OCA2: variants seen among roughly 807,000 people sequenced by gnomAD.
OCA2 encodes the protein P protein.
Under a neutral mutation model 100.2 loss-of-function variants are expected in OCA2, and 77 were observed. That is an observed-to-expected ratio of 0.77 (90% confidence interval 0.64 to 0.93). The LOEUF (loss-of-function observed/expected upper bound fraction) is 0.93. Ranked by LOEUF, OCA2 falls within the 40% of genes least tolerant of loss-of-function variation. The pLI, the probability that OCA2 is intolerant of heterozygous loss-of-function variation, is 0.00. For synonymous variants in OCA2, 432 were observed against 439.2 expected (o/e 0.98, Z 0.21); for missense variants, 1,062 against 1,089.1 (o/e 0.98, Z 0.35).
intron 23 of OCA2, among the ~76,000 whole-genome samples, chr15:27,834,403 A>T (rs1375288679): frequency 6.6e-6 from 1 of 152,122 alleles, no homozygotes; most frequent in African/African-American, 2.4e-5. Context: ...TTTCATTTGA[A>T]CCCTTTATAA....
intron 1 of OCA2, among the ~76,000 whole-genome samples, chr15:28,096,155 C>T (rs2044977195): frequency 6.8e-6 from 1 of 147,320 alleles, no homozygotes; most frequent in South Asian, 2.2e-4. Flanking sequence ...CGGGAGGTGG[C>T]TGGTCTCGGG....
chr15:27,938,268 A>T (rs113885890), intron 18 of OCA2, among the ~76,000 whole-genome samples: 79 of 152,280 alleles, frequency 5.2e-4, no homozygotes, highest in African/African-American at 1.9e-3. Flanking sequence ...GGAGGGGAAG[A>T]AGATACACAC....
intron 2 of OCA2, among the ~76,000 whole-genome samples, chr15:28,061,309 C>T (rs1381353966): frequency 6.6e-6 from 1 of 152,144 alleles, no homozygotes; most frequent in African/African-American, 2.4e-5. Context: ...TTTAAGAATA[C>T]CTCTGTCCAG....
intron 19 of OCA2, chr15:27,896,388 C>T: frequency 2.7e-6 from 2 of 739,736 alleles, no homozygotes; most frequent in African/African-American, 1.7e-5. Context: ...CAGTGTAACT[C>T]CAGACATGAT....
chr15:28,070,794 G>A (rs922855099), intron 2 of OCA2, among the ~76,000 whole-genome samples: 11 of 145,808 alleles, frequency 7.5e-5, no homozygotes, highest in Admixed American at 2.0e-4. Context: ...AGACATGGGA[G>A]ACTTTTCATT....
chr15:28,083,395 C>A lies in OCA2; in HGVS notation c.-21-1500G>T, dbSNP rs140322192. ...ATTGTTATTTCCCTGCTTTAACCAA[C>A]CACTTATGCTGAGAGTGATCACTCA... On this transcript the variant is annotated intron_variant, in intron 1 of 23. Transcript: ENST00000354638. Among the ~76,000 whole-genome samples, 496 of 152,352 alleles carry A rather than the reference C, an allele frequency of 3.3e-3. 3 individuals carry two copies. Among genetic ancestry groups the A allele is most frequent in the African/African-American group, 0.011 (478 of 41,582 alleles).
chr15:27,814,044 A>T (rs2034182605), intron 23 of OCA2, among the ~76,000 whole-genome samples: 1 of 152,184 alleles, frequency 6.6e-6, no homozygotes, highest in Non-Finnish European at 1.5e-5. Context: ...TATGCTAGGA[A>T]TATTCGAATT....
At chr15:28,025,205 G>A (rs192366287) in intron 4 of OCA2, among the ~76,000 whole-genome samples, 108 of 152,124 alleles carry the variant, frequency 7.1e-4, no homozygotes, top group African/African-American at 2.5e-3. Context: ...AAAGGCTCCT[G>A]TTTCCTGGAA....
intron 18 of OCA2, among the ~76,000 whole-genome samples, chr15:27,936,377 A>C (rs377141328): frequency 3.9e-5 from 6 of 152,304 alleles, no homozygotes; most frequent in East Asian, 3.9e-4. Context: ...ATGGCAGCAG[A>C]AGGAGGGAGC....
At chr15:27,937,947 A>G (rs371073951) in intron 18 of OCA2, among the ~76,000 whole-genome samples, 67 of 152,364 alleles carry the variant, frequency 4.4e-4, no homozygotes, top group African/African-American at 1.6e-3. Context: ...ATCTTTTACC[A>G]TTAGCACTTT....
chr15:28,082,432 T>C (rs1374224983), intron 1 of OCA2, among the ~76,000 whole-genome samples: 1 of 152,188 alleles, frequency 6.6e-6, no homozygotes, highest in African/African-American at 2.4e-5. Context: ...TGCAGCATCA[T>C]TCTTGAAGTC....
chr15:27,871,086 A>G, intron 21 of OCA2, 68 bp downstream of exon 21: 1 of 1,154,730 alleles, frequency 8.7e-7, no homozygotes, highest in Non-Finnish European at 1.3e-6. Flanking sequence ...TGCCTTAGGA[A>G]GGGAGGGTGA....
chr15:27,788,028 A>G (rs529162328), intron 23 of OCA2, among the ~76,000 whole-genome samples: 14 of 151,900 alleles, frequency 9.2e-5, no homozygotes, highest in Non-Finnish European at 1.6e-4. Flanking sequence ...ATATTTCTGT[A>G]TTTCCCCAAA....
At chr15:28,093,328 A>G (rs1363111577) in intron 1 of OCA2, among the ~76,000 whole-genome samples, 1 of 151,970 alleles carries the variant, frequency 6.6e-6, no homozygotes, top group Non-Finnish European at 1.5e-5. Flanking sequence ...AGACTGAGGC[A>G]GGAGAATCAC....
chr15:27,752,329 T>C (rs1271375556), downstream of OCA2, among the ~76,000 whole-genome samples: 1 of 152,228 alleles, frequency 6.6e-6, no homozygotes, highest in Non-Finnish European at 1.5e-5. Flanking sequence ...ACAGCTGGTT[T>C]CTTCGAGGTT....
At chr15:28,045,564 T>C (rs75687855) in intron 2 of OCA2, among the ~76,000 whole-genome samples, 1,639 of 152,308 alleles carry the variant, frequency 0.011, 10 homozygotes, top group Middle Eastern at 0.034. Context: ...TGCAGACCCA[T>C]TTTCCTCTGA....
In OCA2 at chr15:27,951,881, A is replaced by C; in HGVS notation, c.1854T>G (p.Ser618=). The C allele has an allele frequency of 6.2e-7, 1 of 1,611,694 alleles. No homozygotes were observed. The highest frequency in any genetic ancestry group is 8.5e-7 in the Non-Finnish European group (1 of 1,177,774). The stretch of plus-strand genomic sequence containing the variant: ...GGCATTTGGCGAGCAGAATCCCGTC[A>C]GATATCCTATGCTGTAAGAGAGAAA... The part of the protein sequence containing the change: ...IQELQKKHRI[S]DGILLAKCLT... Residue 618 remains serine (S), a synonymous_variant, in exon 18 of 24, where the codon TCT becomes TCG. Coordinates refer to ENST00000354638, the MANE Select transcript of OCA2 (RefSeq NM_000275.3).
At chr15:27,927,193 G>A in intron 18 of OCA2, among the ~76,000 whole-genome samples, 1 of 152,140 alleles carries the variant, frequency 6.6e-6, no homozygotes, top group East Asian at 1.9e-4. Context: ...GGAGGCTGAG[G>A]CAGGAGAATT....
chr15:27,816,815 T>C (rs2034319972), intron 23 of OCA2, among the ~76,000 whole-genome samples: 2 of 152,056 alleles, frequency 1.3e-5, no homozygotes, highest in Admixed American at 6.5e-5. Context: ...AGCAGGAGGC[T>C]TCTCTGCTCA....
Sources: gnomAD v4.1 joint callset for allele counts (sites outside exome capture counted in the v4.1 genomes callset) on GRCh38, gnomAD v4.1.1 for gene constraint, MANE v1.5 for transcripts, NCBI Gene and HGNC (gene_info 2026-07-23, HGNC 2026-07-21) for gene names.